RBFOX1: variants seen among roughly 807,000 people sequenced by gnomAD.
RBFOX1 encodes RNA binding protein fox-1 homolog 1.
Under a neutral mutation model 57.7 loss-of-function variants are expected in RBFOX1, and 8 were observed. The ratio of observed to expected loss-of-function variants is 0.14; its 90% confidence interval spans 0.08 to 0.25. RBFOX1 has a LOEUF of 0.25. Ranked by LOEUF, RBFOX1 falls within the 10% of genes least tolerant of loss-of-function variation. The pLI is 1.00. For missense variants in RBFOX1, 611 were observed against 548.5 expected (o/e 1.11, Z -1.14); for synonymous variants, 326 against 222.4 (o/e 1.47, Z -4.15).
chr16:7,296,421 T>A (rs2095891627), intron 4 of RBFOX1, among the ~76,000 whole-genome samples: 1 of 152,180 alleles, frequency 6.6e-6, no homozygotes, highest in African/African-American at 2.4e-5. Flanking sequence ...TTTACCATTT[T>A]TAAACTTTTC....
At chr16:7,330,509 TTTGTGTGTGTGTGTGTAGAGAG>T (rs1261307625) in intron 4 of RBFOX1, among the ~76,000 whole-genome samples, 3 of 65,928 alleles carry the variant, frequency 4.6e-5, no homozygotes, top group African/African-American at 1.8e-4. Context: ...TGTGTGTGTG[TTTGTGTGTGTGTGTGTAGAGAG>T]AGAGAGAGAG....
At chr16:5,567,063 C>T (rs554946979) in intron 2 of RBFOX1, among the ~76,000 whole-genome samples, 105 of 152,254 alleles carry the variant, frequency 6.9e-4, no homozygotes, top group African/African-American at 2.4e-3. Context: ...CTAAGCCTCA[C>T]AATTAGTGGG....
intron 1 of RBFOX1, among the ~76,000 whole-genome samples, chr16:5,326,836 C>T (rs578051072): frequency 1.2e-4 from 19 of 152,264 alleles, no homozygotes; most frequent in East Asian, 3.9e-4. Context: ...TAATATCAGA[C>T]GTCCAAATGA....
chr16:7,657,172 G>A (rs755609498), intron 12 of RBFOX1, among the ~76,000 whole-genome samples: 2 of 152,176 alleles, frequency 1.3e-5, no homozygotes, highest in African/African-American at 4.8e-5. Flanking sequence ...CCTCCTGGGA[G>A]ATTGAAGAAA....
intron 2 of RBFOX1, among the ~76,000 whole-genome samples, chr16:6,560,251 C>T (rs890523990): frequency 1.3e-4 from 19 of 149,794 alleles, no homozygotes; most frequent in Admixed American, 6.7e-5. Context: ...GAAAAGTGTG[C>T]GTGATGCCTG....
rs1262476609 is a variant in RBFOX1 at position 6,562,887 on chromosome 16, T to C, written c.-63-91716T>C. 6.4e-5 allele frequency among the ~76,000 whole-genome samples: 9 copies of C among 140,686 alleles called. No individual in the cohort carries two copies. In the East Asian group the frequency reaches 8.2e-4, roughly 13 times the overall value. 92.3% of individuals were successfully genotyped at this position (140,686 alleles called of 152,430 possible). A position where few individuals can be genotyped will look rare whatever the true frequency, so the allele number is the denominator to read the frequency against. On this transcript the variant is annotated intron_variant, in intron 2 of 15. Coordinates refer to ENST00000550418, the MANE Select transcript of RBFOX1 (RefSeq NM_018723.4). ...TTCTTTCTTTCTTTCTTTCTTTTTT[T>C]TTTTTTTTTTTGCATAGTTGTTACT...
intron 1 of RBFOX1, among the ~76,000 whole-genome samples, chr16:5,259,031 C>T (rs1021796356): frequency 2.0e-5 from 3 of 152,068 alleles, no homozygotes; most frequent in Non-Finnish European, 4.4e-5. Flanking sequence ...TGACCTTCAG[C>T]GCAGGTTCAA....
chr16:5,899,878 A>G (rs970038102), intron 4 of RBFOX1, among the ~76,000 whole-genome samples: 4 of 152,192 alleles, frequency 2.6e-5, no homozygotes, highest in African/African-American at 9.7e-5. Flanking sequence ...GTTCGAGACT[A>G]GCCTGGGCAA....
chr16:6,912,068 G>A (rs749903755), intron 3 of RBFOX1, among the ~76,000 whole-genome samples: 5 of 152,216 alleles, frequency 3.3e-5, no homozygotes, highest in Non-Finnish European at 5.9e-5. Flanking sequence ...TTTTCTTCCT[G>A]TGAATAAATA....
At chr16:7,494,575 T>C (rs1291788501) in intron 4 of RBFOX1, among the ~76,000 whole-genome samples, 1 of 152,198 alleles carries the variant, frequency 6.6e-6, no homozygotes, top group African/African-American at 2.4e-5. Flanking sequence ...GATAAGAAAT[T>C]TACTTTCATG....
chr16:6,947,335 A>C lies in RBFOX1; in HGVS notation c.-15-104722A>C, dbSNP rs552390409. 4.6e-5 allele frequency among the ~76,000 whole-genome samples: 7 copies of C among 152,280 alleles called. No homozygotes were observed. In the East Asian group the frequency reaches 1.4e-3, roughly 29 times the overall value. ...GGTGTGATTTAACAGTCTTTAAGAG[A>C]TAACATTATGAAGACACCTGGGTGC... On this transcript the variant is annotated intron_variant, in intron 3 of 15. Coordinates refer to ENST00000550418, the MANE Select transcript of RBFOX1 (RefSeq NM_018723.4).
At chr16:5,819,111 A>T (rs2151799389) in intron 3 of RBFOX1, among the ~76,000 whole-genome samples, 2 of 152,180 alleles carry the variant, frequency 1.3e-5, no homozygotes, top group South Asian at 4.2e-4. Context: ...AACACCACAG[A>T]CTGGGTGGCT....
chr16:5,994,674 G>T (rs1246851037), intron 4 of RBFOX1, among the ~76,000 whole-genome samples: 1 of 152,212 alleles, frequency 6.6e-6, no homozygotes, highest in East Asian at 1.9e-4. Flanking sequence ...ATATGGCAAT[G>T]AGTGTGTGTG....
At chr16:6,769,697 T>A (rs2154210666) in intron 3 of RBFOX1, among the ~76,000 whole-genome samples, 1 of 152,296 alleles carries the variant, frequency 6.6e-6, no homozygotes, top group East Asian at 1.9e-4. Flanking sequence ...TCCCTGCTGA[T>A]GTAGGATAAG....
At chr16:5,811,641 G>T (rs776264426) in intron 3 of RBFOX1, among the ~76,000 whole-genome samples, 2 of 151,980 alleles carry the variant, frequency 1.3e-5, no homozygotes, top group South Asian at 2.1e-4. Flanking sequence ...AGTAGAGACA[G>T]GGTTTCACGA....
intron 1 of RBFOX1, among the ~76,000 whole-genome samples, chr16:5,388,301 C>G (rs755652544): frequency 1.3e-5 from 2 of 152,116 alleles, no homozygotes; most frequent in African/African-American, 2.4e-5. Context: ...TTGGGGGCTT[C>G]TTTGTAGTGG....
chr16:6,320,555 T>C (rs1227816982), intron 2 of RBFOX1, among the ~76,000 whole-genome samples: 3 of 152,170 alleles, frequency 2.0e-5, no homozygotes, highest in Non-Finnish European at 4.4e-5. Flanking sequence ...GACATGTTAA[T>C]GTACATATAC....
At position 6,010,881 on chromosome 16, in the gene RBFOX1, G is replaced by A. The variant is rs185695447; in HGVS notation, c.351+143546G>A. 4.2e-4 allele frequency among the ~76,000 whole-genome samples: 64 copies of A among 152,094 alleles called. No individual in the cohort carries two copies. The East Asian group carries it at 9.1e-3, about 22-fold the overall frequency. ...CTTTAGTGGTTCATGTGTCTTAATCGAAGTATAAGGAATAAATAGAAATAA... is the reference window on the plus strand; with the variant it reads ...CTTTAGTGGTTCATGTGTCTTAATCAAAGTATAAGGAATAAATAGAAATAA... On this transcript the variant is annotated intron_variant, in intron 4 of 19. Transcript: ENST00000641259.
At chr16:5,502,102 C>T (rs1316983872) in intron 2 of RBFOX1, among the ~76,000 whole-genome samples, 2 of 151,724 alleles carry the variant, frequency 1.3e-5, no homozygotes, top group East Asian at 3.9e-4. Context: ...TTAGAGTGAC[C>T]AGTATGGCCG....
Sources: gnomAD v4.1 joint callset for allele counts (sites outside exome capture counted in the v4.1 genomes callset) on GRCh38, gnomAD v4.1.1 for gene constraint, MANE v1.5 for transcripts, NCBI Gene and HGNC (gene_info 2026-07-23, HGNC 2026-07-21) for gene names.